POM121: variants seen among roughly 807,000 people sequenced by gnomAD.
POM121 encodes nuclear envelope pore membrane protein POM 121.
In POM121, 32 loss-of-function variants were observed where a neutral mutation model predicts 81.3. The ratio of observed to expected loss-of-function variants is 0.39; its 90% confidence interval spans 0.30 to 0.53. The LOEUF (loss-of-function observed/expected upper bound fraction) is 0.53, where lower values mean the gene tolerates loss of function less well. Ranked by LOEUF, POM121 falls within the 20% of genes least tolerant of loss-of-function variation. POM121 has a pLI of 0.66. For missense variants in POM121, 1,138 were observed against 1,614.6 expected, an observed-to-expected ratio of 0.70 and a Z score of 5.06; for synonymous variants, 514 against 694.2, an observed-to-expected ratio of 0.74 and a Z score of 4.08.
intron 4 of POM121, among the ~76,000 whole-genome samples, chr7:72,919,538 A>G (rs144950319): frequency 5.3e-5 from 8 of 152,050 alleles, no homozygotes; most frequent in South Asian, 4.2e-4. Flanking sequence ...CTGGAGTGCA[A>G]TGACACAATT....
At chr7:72,949,251 A>G, downstream of POM121, 1 of 819,042 alleles carries the variant, frequency 1.2e-6, no homozygotes, top group Non-Finnish European at 2.2e-6. Flanking sequence ...AAAACAGATG[A>G]CTCCAGGTCT....
chr7:72,937,816 A>C (rs1456050932), intron 5 of POM121, among the ~76,000 whole-genome samples: 1 of 152,152 alleles, frequency 6.6e-6, no homozygotes, highest in Non-Finnish European at 1.5e-5. Flanking sequence ...CTTTGCTGTC[A>C]AGAACTCACC....
chr7:72,912,603 C>A (rs1364558415), intron 3 of POM121, among the ~76,000 whole-genome samples: 1 of 152,060 alleles, frequency 6.6e-6, no homozygotes, highest in Non-Finnish European at 1.5e-5. Flanking sequence ...GGTGAAACCC[C>A]GTATCTACTA....
chr7:72,890,710 C>G, exon 2 of POM121: 2 of 1,601,620 alleles, frequency 1.2e-6, no homozygotes, highest in African/African-American at 1.3e-5. Context: ...AGATAACATA[C>G]GGGGATGTGA....
chr7:72,918,687 A>C (rs868980470), intron 4 of POM121, among the ~76,000 whole-genome samples: 4 of 151,824 alleles, frequency 2.6e-5, no homozygotes, highest in Non-Finnish European at 5.9e-5. Flanking sequence ...TACTGCCCAC[A>C]CCAGCAGGGC....
chr7:72,945,627 G>A lies in POM121; in HGVS notation c.3571G>A (p.Gly1191Arg). The A allele has an allele frequency of 1.9e-6, 3 of 1,613,498 alleles. No individual in the cohort carries two copies. Among genetic ancestry groups the A allele is most frequent in the Admixed American group, 1.7e-5 (1 of 59,972 alleles). ...PTFGLNTPAPGVGTSGSSLSF... is the reference protein window; with the variant it reads ...PTFGLNTPAPRVGTSGSSLSF... ...CTTTGGTCTGAACACCCCTGCGCCT[G>A]GAGTGGGCACATCAGGCAGCAGCCT... Residue 1191 changes from glycine (G) to arginine (R), a missense_variant, in exon 12 of 13, where the codon GGA (glycine) becomes AGA (arginine). Physicochemically the swap from Gly to Arg is moderately radical, Grantham distance 125 (BLOSUM62 -2). This residue lies in a region of POM121 where 336 missense variants were observed against 344.3 expected (regional missense o/e 0.98). Coordinates refer to ENST00000434423, the MANE Select transcript of POM121 (RefSeq NM_001387691.1).
At position 72,925,218 on chromosome 7, in the gene POM121, A is replaced by C; in HGVS notation, c.97A>C (p.Arg33=). The C allele has an allele frequency of 6.5e-7, 1 of 1,529,546 alleles. No individual in the cohort carries two copies. Among genetic ancestry groups the C allele is most frequent in the Non-Finnish European group, 8.7e-7 (1 of 1,144,566 alleles). 94.7% of individuals were successfully genotyped at this position (1,529,546 alleles called of 1,614,324 possible). A position where few individuals can be genotyped will look rare whatever the true frequency, so the allele number is the denominator to read the frequency against. ...GGGCCGGGGCTGCGGCGGGCCGGCC[A>C]GGGCGGTGCTCCTGGGCCTGTCGCT... ...GRGRGCGGPA[R]AVLLGLSLVG... The change falls in exon 1 of 13, where the codon AGG becomes CGG. Residue 33 remains arginine (R), a synonymous_variant. Coordinates refer to ENST00000434423, the MANE Select transcript of POM121 (RefSeq NM_001387691.1).
chr7:72,946,132 T>G lies in POM121; in HGVS notation c.3653-5T>G. The G allele has an allele frequency of 4.3e-6, 7 of 1,611,622 alleles. No homozygotes were observed. Among genetic ancestry groups the G allele is most frequent in the Non-Finnish European group, 5.9e-6 (7 of 1,179,662 alleles). On this transcript the variant is annotated splice_polypyrimidine_tract_variant and splice_region_variant and intron_variant, in intron 12 of 12. Transcript: ENST00000434423. ...CCCTGATGAGGTCTTGTTGAATCTT[T>G]CCAGGATCGGCGGCCCTTTCATTTT...
intron 4 of POM121, among the ~76,000 whole-genome samples, chr7:72,917,079 T>C (rs553264016): frequency 6.6e-6 from 1 of 152,338 alleles, no homozygotes; most frequent in African/African-American, 2.4e-5. Context: ...TCTCATTGTT[T>C]GCTATGTGTC....
chr7:72,942,179 A>G lies in POM121; in HGVS notation c.2186A>G (p.Lys729Arg). ...PAASSAPPMFKPIFTAPPKSE... is the reference protein window; with the variant it reads ...PAASSAPPMFRPIFTAPPKSE... ...GCATCTTCAGCACCTCCCATGTTCA[A>G]GCCCATTTTCACGGCTCCACCCAAG... Residue 729 changes from lysine (K) to arginine (R), a missense_variant, in exon 11 of 13, where the codon AAG becomes AGG. By Grantham distance (26) the Lys-to-Arg change is conservative. Transcript: ENST00000434423. The G allele has an allele frequency of 6.2e-7, 1 of 1,609,952 alleles. No individual in the cohort carries two copies. Among genetic ancestry groups the G allele is most frequent in the Non-Finnish European group, 8.5e-7 (1 of 1,179,862 alleles).
chr7:72,887,630 C>G (rs1377631694), intron 1 of POM121, among the ~76,000 whole-genome samples: 65 of 152,110 alleles, frequency 4.3e-4, no homozygotes, highest in African/African-American at 1.5e-3. Flanking sequence ...AGTTCAAGAC[C>G]AGCCTGGCCA....
downstream of POM121, chr7:72,948,863 C>T (rs116864609): frequency 1.8e-5 from 29 of 1,595,550 alleles, no homozygotes; most frequent in East Asian, 2.9e-4. Context: ...CCCATCCCCC[C>T]CTCCACGACC....
chr7:72,906,147 C>T (rs1469277983), intron 3 of POM121, among the ~76,000 whole-genome samples: 1 of 152,206 alleles, frequency 6.6e-6, no homozygotes, highest in Non-Finnish European at 1.5e-5. Flanking sequence ...AGCCACCTAA[C>T]ATCGATTTCC....
At chr7:72,914,580 C>G (rs1794122861) in intron 4 of POM121, among the ~76,000 whole-genome samples, 1 of 150,776 alleles carries the variant, frequency 6.6e-6, no homozygotes, top group Non-Finnish European at 1.5e-5. Flanking sequence ...CGCCGTATTG[C>G]TGAGGATGGT....
At chr7:72,890,715 A>G (rs1791220270) in exon 2 of POM121, 2 of 1,602,002 alleles carry the variant, frequency 1.2e-6, no homozygotes, top group Non-Finnish European at 1.7e-6. Flanking sequence ...ACATACGGGG[A>G]TGTGATGTTG....
intron 3 of POM121, among the ~76,000 whole-genome samples, chr7:72,896,321 C>CA (rs1162740172): frequency 1.2e-4 from 18 of 150,362 alleles, no homozygotes; most frequent in Non-Finnish European, 1.8e-4. Flanking sequence ...CTCATTTCTA[C>CA]AAAAAAATTT....
In POM121 at chr7:72,943,214, G is replaced by A; in HGVS notation, c.3221G>A (p.Gly1074Glu). 2 of 1,613,088 alleles carry A rather than the reference G, an allele frequency of 1.2e-6. No homozygotes were observed. The highest frequency in any genetic ancestry group is 1.7e-6 in the Non-Finnish European group (2 of 1,179,794). ...GGTGCAGCCACCAGCTCCGGCTTTG[G>A]AGCCACCACCCAGACCGCCAGCAGC... The part of the protein sequence containing the change: ...FFGAATSSGF[G>E]ATTQTASSGS... The change falls in exon 11 of 13, where the codon GGA becomes GAA. Residue 1074 changes from glycine to glutamate, a missense_variant. Transcript: ENST00000434423.
intron 1 of POM121, among the ~76,000 whole-genome samples, chr7:72,881,373 A>C (rs1472169901): frequency 6.7e-6 from 1 of 149,086 alleles, no homozygotes; most frequent in African/African-American, 2.5e-5. Context: ...GAGTGTTTGC[A>C]GGTTGAGTGT....
At chr7:72,894,609 G>A (rs1486281327) in intron 3 of POM121, among the ~76,000 whole-genome samples, 125,684 of 125,812 alleles carry the variant, frequency 1, 62,779 homozygotes, top group Middle Eastern at 1. Flanking sequence ...TAGAGAGAGA[G>A]AGAGATGAGA....
Sources: allele counts gnomAD v4.1 joint callset (sites outside exome capture counted in the v4.1 genomes callset), GRCh38; gene constraint gnomAD v4.1.1; regional missense constraint gnomAD v4.1.1; transcripts MANE v1.5; gene names NCBI Gene and HGNC (gene_info 2026-07-23, HGNC 2026-07-21).